The following GFPT2 variants were observed in gnomAD, a reference collection of about 807,000 sequenced individuals.
GFPT2 encodes glutamine--fructose-6-phosphate transaminase 2.
GFPT2 carries 62 observed loss-of-function variants against 85.6 expected under a neutral mutation model. The observed-to-expected ratio is 0.72, with a 90% CI of 0.59 to 0.90. GFPT2 has a LOEUF of 0.90. GFPT2 is among the 40% of genes least tolerant of loss of function. GFPT2 has a pLI of 0.00. For synonymous variants in GFPT2, 368 were observed against 344.5 expected (o/e 1.07, Z -0.75); for missense variants, 788 against 893.4 (o/e 0.88, Z 1.50).
intron 1 of GFPT2, among the ~76,000 whole-genome samples, chr5:180,347,213 T>C (rs1764626521): frequency 1.3e-5 from 2 of 152,186 alleles, no homozygotes; most frequent in South Asian, 4.1e-4. Context: ...AAGTCTGAGA[T>C]ACAGGAGCCT....
chr5:180,336,398 T>G (rs6891083), intron 3 of GFPT2, 81 bp downstream of exon 3: 643,831 of 821,482 alleles, frequency 0.78, 253,276 homozygotes, highest in African/African-American at 0.89. Flanking sequence ...AGAATCTCCA[T>G]TCTCCGGCGC....
At chr5:180,347,111 T>G (rs1581391520) in intron 1 of GFPT2, among the ~76,000 whole-genome samples, 2 of 151,856 alleles carry the variant, frequency 1.3e-5, no homozygotes, top group African/African-American at 4.8e-5. Context: ...GACAGGGAGG[T>G]GCCTTCAGGT....
At position 180,312,559 on chromosome 5, in the gene GFPT2, G is replaced by A. The variant is rs1763914506; in HGVS notation, c.1432-15C>T. The A allele has an allele frequency of 7.8e-7, 1 of 1,282,984 alleles. No individual in the cohort carries two copies. The highest frequency in any genetic ancestry group is 1.1e-6 in the Non-Finnish European group (1 of 879,072). The allele number at this position is 1,282,984 out of a possible 1,614,324, so 79.5% of individuals were successfully genotyped here. ...CTGGTATAAGCCTGTGCACAAAGAA[G>A]GAGGTGGCAGGGACCTTATTTTCAC... is the stretch of plus-strand genomic sequence containing the variant. On this transcript the variant is annotated splice_polypyrimidine_tract_variant and intron_variant, in intron 14 of 18. Coordinates refer to ENST00000253778, the MANE Select transcript of GFPT2 (RefSeq NM_005110.4).
rs1763694467 is a variant in GFPT2, at chr5:180,302,445, A to G, written c.1982T>C (p.Leu661Pro). The change falls in exon 18 of 19, where the codon CTG becomes CCG. Residue 661 changes from leucine (L) to proline (P), a missense_variant. Coordinates refer to ENST00000253778, the MANE Select transcript of GFPT2 (RefSeq NM_005110.4). Reference protein sequence around the residue: ...VIPLQLLSFHLAVLRGYDVDF... With the variant: ...VIPLQLLSFHPAVLRGYDVDF... ...CACGTCATATCCTCGGAGAACAGCC[A>G]GGTGGAAGGACAGCAGCTGCAGCGG... is the stretch of plus-strand genomic sequence containing the variant. 6.2e-7 allele frequency: 1 copy of G among 1,613,980 alleles called. No homozygotes were observed. Among genetic ancestry groups the G allele is most frequent in the Non-Finnish European group, 8.5e-7 (1 of 1,179,940 alleles).
At position 180,312,520 on chromosome 5, in the gene GFPT2, GA is replaced by G; in HGVS notation, c.1455del (p.Leu486TrpfsTer2). On this transcript the variant is annotated frameshift_variant, in exon 15 of 19. Transcript: ENST00000253778. LOFTEE classifies it high-confidence loss of function. ...STKAYTSQFI[S>X]LVMFGLMMSE... is the part of the protein sequence containing the mutation. ...GACATCATCAAACCAAACATCACCAGAGAGATGAACTGACTGGTATAAGCCT... is the reference window on the plus strand; with the variant it reads ...GACATCATCAAACCAAACATCACCAGGAGATGAACTGACTGGTATAAGCCT... 1 of 1,602,288 alleles carries G rather than the reference GA, an allele frequency of 6.2e-7. No homozygotes were observed. The highest frequency in any genetic ancestry group is 8.6e-7 in the Non-Finnish European group (1 of 1,169,104).
rs138420823 is a variant in GFPT2 at position 180,318,997 on chromosome 5, A to G, written c.795-41T>C. On this transcript the variant is annotated intron_variant, in intron 9 of 18. Coordinates refer to ENST00000253778, the MANE Select transcript of GFPT2 (RefSeq NM_005110.4). This position sits in a 1 kb window ranked among gnomAD's most constrained non-coding sequence, Gnocchi z 4.2. ...CAGGCATCATCAGTGCCCTGCCCTG[A>G]GCAGTTACGAGGCAGCAGCCCCTTG... The G allele has an allele frequency of 2.0e-5, 31 of 1,587,590 alleles. No homozygotes were observed. The African/African-American group carries it at 4.0e-4, about 21-fold the overall frequency.
In GFPT2 at chr5:180,307,377, TG is replaced by T. The variant is rs1265895419; in HGVS notation, c.1547-75del. The T allele has an allele frequency of 2.5e-4, 374 of 1,504,258 alleles. 2 individuals are homozygous for T. Among genetic ancestry groups the T allele is most frequent in the Non-Finnish European group, 4.8e-5 (52 of 1,084,810 alleles). 93.2% of individuals were successfully genotyped at this position (1,504,258 alleles called of 1,614,324 possible). ...AAGCAATATTCATGAAGACAAATGC[TG>T]GGGTTTAAGAGGAGCTTTTGAAACC... On this transcript the variant is annotated intron_variant, in intron 15 of 18. Transcript: ENST00000253778.
chr5:180,316,557 A>G (rs1273511342), intron 12 of GFPT2, 96 bp from the exon 13 acceptor site: 1 of 1,371,524 alleles, frequency 7.3e-7, no homozygotes, highest in African/African-American at 1.4e-5. Context: ...GTGACACGGA[A>G]CCTCACTGTC....
chr5:180,352,711 G>A (rs1306442402), intron 1 of GFPT2: 4 of 414,674 alleles, frequency 9.6e-6, no homozygotes, highest in Admixed American at 2.7e-5. Context: ...CGCAGCGGGG[G>A]CGACCGGGCG....
chr5:180,320,880 TA>T (rs1329095025), intron 9 of GFPT2, among the ~76,000 whole-genome samples: 6 of 152,200 alleles, frequency 3.9e-5, no homozygotes, highest in African/African-American at 1.4e-4. Context: ...TCTAAGGCTC[TA>T]AAAGACGTAT....
chr5:180,336,434 G>T, intron 3 of GFPT2, 45 bp downstream of exon 3: 1 of 1,039,828 alleles, frequency 9.6e-7, no homozygotes, highest in South Asian at 1.3e-5. Flanking sequence ...CTAGAAAGCG[G>T]CCGGCGCTGC....
In GFPT2 at chr5:180,324,950, G is replaced by A. The variant is rs566056227; in HGVS notation, c.597-55C>T. 9.2e-6 allele frequency: 10 copies of A among 1,090,058 alleles called. No homozygotes were observed. In the Middle Eastern group the frequency reaches 8.3e-4, roughly 91 times the overall value. 67.5% of individuals were successfully genotyped at this position (1,090,058 alleles called of 1,614,324 possible). A position where few individuals can be genotyped will look rare whatever the true frequency, so the allele number is the denominator to read the frequency against. ...CATTGCCTTTGACGCCCAGTGCTGG[G>A]TGTCTGCCCAGCATCTGAGGTAGGA... On this transcript the variant is annotated intron_variant, in intron 7 of 18. Transcript: ENST00000253778.
intron 5 of GFPT2, 22 bp downstream of exon 5, chr5:180,331,473 T>A: frequency 6.9e-7 from 1 of 1,444,026 alleles, no homozygotes; most frequent in South Asian, 1.1e-5. Context: ...GACTGAGACA[T>A]CACCTAGGGG....
At position 180,320,735 on chromosome 5, in the gene GFPT2, C is replaced by CT. The variant is rs1324205080; in HGVS notation, c.795-1780dup. Among the ~76,000 whole-genome samples the CT allele has an allele frequency of 1.3e-5, 2 of 152,190 alleles. 1 individual carries two copies. Among genetic ancestry groups the CT allele is most frequent in the Admixed American group, 1.3e-4 (2 of 15,290 alleles). ...TGGGCTGAGATTGTGCCACTGCACT[C>CT]TAACCTGGGTGACAGAGCAAGACTC... On this transcript the variant is annotated intron_variant, in intron 9 of 18. Coordinates refer to ENST00000253778, the MANE Select transcript of GFPT2 (RefSeq NM_005110.4).
intron 4 of GFPT2, among the ~76,000 whole-genome samples, chr5:180,333,143 A>G (rs1418426147): frequency 6.6e-6 from 1 of 152,012 alleles, no homozygotes; most frequent in African/African-American, 2.4e-5. Context: ...TCTTGTGCAC[A>G]CCAGTTACCC....
chr5:180,315,359 T>C (rs933270321), intron 13 of GFPT2, among the ~76,000 whole-genome samples: 3 of 152,154 alleles, frequency 2.0e-5, no homozygotes, highest in African/African-American at 7.2e-5. Flanking sequence ...TTTATATTTT[T>C]AGTAGAGACG....
chr5:180,341,467 C>T (rs183489653), intron 1 of GFPT2, among the ~76,000 whole-genome samples: 7 of 152,036 alleles, frequency 4.6e-5, no homozygotes, highest in Admixed American at 4.6e-4. Context: ...GAGTGGGGTC[C>T]CATCATATAA....
At chr5:180,316,883 G>T in intron 11 of GFPT2, 22 bp from the exon 12 acceptor site, 1 of 1,592,380 alleles carries the variant, frequency 6.3e-7, no homozygotes, top group Non-Finnish European at 8.6e-7. Flanking sequence ...ACGACAAGGC[G>T]TTAATGCTGA....
chr5:180,332,607 G>A (rs991587353), intron 4 of GFPT2, among the ~76,000 whole-genome samples: 11 of 152,112 alleles, frequency 7.2e-5, no homozygotes, highest in African/African-American at 2.7e-4. Flanking sequence ...GCGTGACCTT[G>A]GCTCACCACG....
Sources: gnomAD v4.1 joint callset for allele counts (sites outside exome capture counted in the v4.1 genomes callset) on GRCh38, gnomAD v4.1.1 for gene constraint, Gnocchi (gnomAD v3.1) non-coding constraint, MANE v1.5 for transcripts, NCBI Gene and HGNC (gene_info 2026-07-23, HGNC 2026-07-21) for gene names.